RYR2: variants seen among roughly 807,000 people sequenced by gnomAD.
The protein encoded by RYR2 is cardiac muscle ryanodine receptor-calcium release channel.
In RYR2, 227 loss-of-function variants were observed where a neutral mutation model predicts 601.1. The observed-to-expected ratio is 0.38, with a 90% CI of 0.34 to 0.42. The LOEUF (loss-of-function observed/expected upper bound fraction) is 0.42. RYR2 is among the 10% of genes least tolerant of loss of function. RYR2 has a pLI of 1.00. For synonymous variants in RYR2, 2,223 were observed against 2,175.1 expected (o/e 1.02, Z -0.61); for missense variants, 4,646 against 6,156.5 (o/e 0.75, Z 8.21).
chr1:237,776,611 C>A (rs1000152615), intron 87 of RYR2, among the ~76,000 whole-genome samples: 2 of 151,804 alleles, frequency 1.3e-5, no homozygotes, highest in Non-Finnish European at 2.9e-5. Context: ...CCAATCTAGG[C>A]TTTTTTTACT....
At chr1:237,051,002 G>C (rs1313685125) in intron 1 of RYR2, among the ~76,000 whole-genome samples, 3 of 152,154 alleles carry the variant, frequency 2.0e-5, no homozygotes, top group Non-Finnish European at 4.4e-5. Flanking sequence ...ATGAATGAAA[G>C]ATATTCCACC....
Position 237,509,166 on chromosome 1 carries a change from G to A in RYR2, c.2718+2352G>A, listed in dbSNP as rs776317689. 5.3e-5 allele frequency among the ~76,000 whole-genome samples: 8 copies of A among 152,152 alleles called. No homozygotes were observed. The South Asian group carries it at 6.2e-4, about 12-fold the overall frequency. On this transcript the variant is annotated intron_variant, in intron 23 of 104. Coordinates refer to ENST00000366574, the MANE Select transcript of RYR2 (RefSeq NM_001035.3). ...ACACTGGGCTTGATGTACCTCTGGG[G>A]GAAACACTGAGCCCTTGGTCTGCTG...
intron 91 of RYR2, 79 bp downstream of exon 91, chr1:237,786,115 G>C (rs890792003): frequency 2.3e-6 from 2 of 879,332 alleles, no homozygotes; most frequent in Admixed American, 4.5e-5. Flanking sequence ...GTCTTTGGGA[G>C]CTGCAAGGGA....
At chr1:237,277,351 G>A (rs928392113) in intron 2 of RYR2, among the ~76,000 whole-genome samples, 52 of 152,218 alleles carry the variant, frequency 3.4e-4, no homozygotes, top group African/African-American at 1.2e-3. Flanking sequence ...AGTTAAGGAT[G>A]TCCAGCATGC....
In RYR2 at chr1:237,604,844, C is replaced by A. The variant is rs142834797; in HGVS notation, c.4683+2733C>A. Among the ~76,000 whole-genome samples, 1,408 of 152,224 alleles carry A rather than the reference C, an allele frequency of 9.2e-3. 25 individuals are homozygous for A. Among genetic ancestry groups the A allele is most frequent in the African/African-American group, 0.032 (1,346 of 41,538 alleles). ...TAGAAGAAATGGATAAATTCCTCGA[C>A]ACATACACCCTCCCAAGACTAAACC... On this transcript the variant is annotated intron_variant, in intron 35 of 104. Coordinates refer to ENST00000366574, the MANE Select transcript of RYR2 (RefSeq NM_001035.3).
rs556047547 is a variant in RYR2 at position 237,445,366 on chromosome 1, T to G, written c.1171-35T>G. 13 of 1,610,496 alleles carry G rather than the reference T, an allele frequency of 8.1e-6. No homozygotes were observed. In the South Asian group the frequency reaches 1.3e-4, roughly 16 times the overall value. On this transcript the variant is annotated intron_variant, in intron 13 of 104. Transcript: ENST00000366574. ...CTAACTCTAGTTTGGAAAAGAGACG[T>G]TGGGAGTAATGGCCTTATTTTTGCT...
At chr1:237,161,462 TAACTC>T (rs1676007913) in intron 1 of RYR2, among the ~76,000 whole-genome samples, 1 of 152,176 alleles carries the variant, frequency 6.6e-6, no homozygotes. Flanking sequence ...TTTAGTTTGT[TAACTC>T]AGGAGTTTTA....
chr1:237,749,888 G>A (rs1241636051), intron 80 of RYR2, among the ~76,000 whole-genome samples: 3 of 152,310 alleles, frequency 2.0e-5, no homozygotes, highest in East Asian at 1.9e-4. Context: ...TATCGTGGCT[G>A]TAATCCCAGC....
intron 79 of RYR2, among the ~76,000 whole-genome samples, chr1:237,739,955 A>C (rs1426401074): frequency 6.6e-6 from 1 of 152,126 alleles, no homozygotes; most frequent in African/African-American, 2.4e-5. Flanking sequence ...CCTCCATTTT[A>C]TTTATTTTCT....
At chr1:237,474,268 T>TACAC (rs767279068) in intron 17 of RYR2, among the ~76,000 whole-genome samples, 4,254 of 77,524 alleles carry the variant, frequency 0.055, 90 homozygotes, top group Non-Finnish European at 0.11. Flanking sequence ...TATAGATACC[T>TACAC]ACACACACAC....
chr1:237,608,915 C>T (rs573929128), intron 35 of RYR2, among the ~76,000 whole-genome samples: 3 of 151,222 alleles, frequency 2.0e-5, no homozygotes, highest in East Asian at 3.9e-4. Context: ...TTTCATTGGC[C>T]GACTAATAGC....
At chr1:237,698,296 TTGTAAAATATG>T (rs1687672515) in intron 63 of RYR2, among the ~76,000 whole-genome samples, 1 of 152,148 alleles carries the variant, frequency 6.6e-6, no homozygotes, top group Non-Finnish European at 1.5e-5. Context: ...CTGTACTTCC[TTGTAAAATATG>T]CCAATCAAAA....
At chr1:237,430,100 A>G (rs368459621) in intron 12 of RYR2, among the ~76,000 whole-genome samples, 16 of 150,470 alleles carry the variant, frequency 1.1e-4, no homozygotes, top group East Asian at 7.8e-4. Context: ...ATATATTGTT[A>G]GGTATATAAC....
intron 1 of RYR2, among the ~76,000 whole-genome samples, chr1:237,175,014 TTA>T (rs1677860386): frequency 6.6e-6 from 1 of 152,216 alleles, no homozygotes; most frequent in Non-Finnish European, 1.5e-5. Context: ...GAGTCAACCT[TTA>T]TGTTTGTAAA....
At chr1:237,078,809 G>A (rs1665296779) in intron 1 of RYR2, among the ~76,000 whole-genome samples, 1 of 101,824 alleles carries the variant, frequency 9.8e-6, no homozygotes, top group Non-Finnish European at 2.1e-5. Flanking sequence ...CCAAAGCTGG[G>A]CAGAGACACA....
chr1:237,680,306 T>G, intron 61 of RYR2, 150 bp from the exon 62 acceptor site: 1 of 566,230 alleles, frequency 1.8e-6, no homozygotes, highest in Non-Finnish European at 3.1e-6. Context: ...TAGAGTGAGA[T>G]TTAAGAGAGG....
At position 237,631,829 on chromosome 1, in the gene RYR2, T is replaced by C. The variant is rs375339702; in HGVS notation, c.6555+288T>C. Among the ~76,000 whole-genome samples, 1,194 of 150,864 alleles carry C rather than the reference T, an allele frequency of 7.9e-3. 6 individuals are homozygous for C. The highest frequency in any genetic ancestry group is 8.9e-3 in the Non-Finnish European group (604 of 67,848). ...GTTTTTAGTAGAGACGGGGTTTCAC[T>C]GTGTTAGCCAGGATGGTCTCGATCT... On this transcript the variant is annotated intron_variant, in intron 42 of 104. Transcript: ENST00000366574.
At chr1:237,334,285 G>T (rs1036174211) in intron 3 of RYR2, among the ~76,000 whole-genome samples, 1 of 152,028 alleles carries the variant, frequency 6.6e-6, no homozygotes, top group South Asian at 2.1e-4. Context: ...TGTGTAAGAT[G>T]AAATGGGAGA....
chr1:237,829,918 G>A (rs941260318), intron 102 of RYR2: 19 of 152,506 alleles, frequency 1.2e-4, no homozygotes, highest in African/African-American at 4.6e-4. Context: ...GCGTGGTCCA[G>A]AGAAGGTGGA....
Sources: gnomAD v4.1 joint callset for allele counts (sites outside exome capture counted in the v4.1 genomes callset) on GRCh38, gnomAD v4.1.1 for gene constraint, MANE v1.5 for transcripts, NCBI Gene and HGNC (gene_info 2026-07-23, HGNC 2026-07-21) for gene names.